Variants in SDC2 observed in about 807,000 individuals in gnomAD.
SDC2 encodes the protein syndecan 2.
Under a neutral mutation model 22.2 loss-of-function variants are expected in SDC2, and 13 were observed. The ratio of observed to expected loss-of-function variants is 0.59; its 90% CI spans 0.38 to 0.93. The LOEUF (loss-of-function observed/expected upper bound fraction) is 0.93, where lower values mean the gene tolerates loss of function less well. SDC2 is among the 40% of genes least tolerant of loss of function. SDC2 has a pLI of 0.00. For missense variants in SDC2, 235 were observed against 246.8 expected (o/e 0.95, Z 0.32); for synonymous variants, 94 against 92.8 (o/e 1.01, Z -0.07).
intron 1 of SDC2, among the ~76,000 whole-genome samples, chr8:96,559,208 A>G (rs1175793511): frequency 2.6e-5 from 4 of 152,188 alleles, no homozygotes; most frequent in African/African-American, 2.4e-5. Context: ...ACATGAGACA[A>G]GAGTGTCAAG....
intron 1 of SDC2, among the ~76,000 whole-genome samples, chr8:96,495,684 T>C (rs1813063294): frequency 6.6e-6 from 1 of 152,200 alleles, no homozygotes; most frequent in South Asian, 2.1e-4. Flanking sequence ...CCCCCCTTTT[T>C]TGTGCTGAGG....
intron 1 of SDC2, among the ~76,000 whole-genome samples, chr8:96,540,474 G>T (rs1586289155): frequency 7.3e-6 from 1 of 136,734 alleles, no homozygotes. Flanking sequence ...CCGAGCTACT[G>T]CACTCCAACC....
chr8:96,505,634 A>G, intron 1 of SDC2, among the ~76,000 whole-genome samples: 1 of 152,310 alleles, frequency 6.6e-6, no homozygotes, highest in Non-Finnish European at 1.5e-5. Context: ...TTTTATATAA[A>G]TTTACTAATG....
chr8:96,527,431 C>G (rs1169866362), intron 1 of SDC2, among the ~76,000 whole-genome samples: 1 of 151,746 alleles, frequency 6.6e-6, no homozygotes, highest in Non-Finnish European at 1.5e-5. Context: ...TTGCACAGTT[C>G]TCTCTCTCTC....
Position 96,566,774 on chromosome 8 carries a change from C to T in SDC2, c.61-26706C>T, listed in dbSNP as rs367684719. Among the ~76,000 whole-genome samples, 7 of 151,398 alleles carry T rather than the reference C, an allele frequency of 4.6e-5. No individual in the cohort carries two copies. The East Asian group carries it at 9.7e-4, about 21-fold the overall frequency. ...GAGAAGCATGTGCCCTGTTTTCATG[C>T]TTTAGTTTTATTGTAAGCATCTATA... is the stretch of plus-strand genomic sequence containing the variant. On this transcript the variant is annotated intron_variant, in intron 1 of 4. Transcript: ENST00000302190.
intron 1 of SDC2, among the ~76,000 whole-genome samples, chr8:96,515,108 C>T (rs1038035369): frequency 6.6e-6 from 1 of 152,224 alleles, no homozygotes; most frequent in African/African-American, 2.4e-5. Context: ...GCAAATCACT[C>T]AACCTCTTTT....
chr8:96,560,581 T>C (rs1001974692), intron 1 of SDC2, among the ~76,000 whole-genome samples: 8 of 152,214 alleles, frequency 5.3e-5, no homozygotes, highest in African/African-American at 1.9e-4. Context: ...GGTTTTATTA[T>C]GTATGTGATT....
In SDC2 at chr8:96,515,428, A is replaced by C. The variant is rs1251508324; in HGVS notation, c.60+21097A>C. 3.3e-5 allele frequency among the ~76,000 whole-genome samples: 5 copies of C among 152,308 alleles called. No homozygotes were observed. In the South Asian group the frequency reaches 1.0e-3, roughly 32 times the overall value. Reference sequence around the variant, plus strand: ...TGTAGCTCGGATTTCTTCCTCACAGATAAGAGGATGGAGGTTGCTCTTGAT... The same window carrying C: ...TGTAGCTCGGATTTCTTCCTCACAGCTAAGAGGATGGAGGTTGCTCTTGAT... On this transcript the variant is annotated intron_variant, in intron 1 of 4. Transcript: ENST00000302190.
At chr8:96,542,804 A>G (rs965267892) in intron 1 of SDC2, among the ~76,000 whole-genome samples, 4 of 152,230 alleles carry the variant, frequency 2.6e-5, no homozygotes, top group Non-Finnish European at 5.9e-5. Flanking sequence ...TCTGTCCAGC[A>G]TGATAGTTCT....
intron 1 of SDC2, chr8:96,580,339 G>A: frequency 6.1e-6 from 6 of 976,480 alleles, no homozygotes; most frequent in Non-Finnish European, 7.3e-6. Flanking sequence ...GGAAGGGAGA[G>A]TCAGAGGATG....
intron 1 of SDC2, among the ~76,000 whole-genome samples, chr8:96,584,753 G>C (rs1053842678): frequency 1.3e-5 from 2 of 152,194 alleles, no homozygotes; most frequent in Non-Finnish European, 2.9e-5. Flanking sequence ...TAATAACATG[G>C]CTGCAAACCT....
At chr8:96,499,032 C>T (rs1353813962) in intron 1 of SDC2, among the ~76,000 whole-genome samples, 2 of 152,176 alleles carry the variant, frequency 1.3e-5, no homozygotes, top group Non-Finnish European at 2.9e-5. Context: ...CTGTATGCCT[C>T]TGCTGGATTT....
intron 1 of SDC2, among the ~76,000 whole-genome samples, chr8:96,534,082 G>A (rs975001703): frequency 2.6e-5 from 4 of 152,212 alleles, no homozygotes; most frequent in South Asian, 4.1e-4. Context: ...CGGGGCCGGC[G>A]GTGCCCACTG....
chr8:96,598,691 T>C (rs1814924363), intron 2 of SDC2, among the ~76,000 whole-genome samples: 1 of 151,284 alleles, frequency 6.6e-6, no homozygotes, highest in African/African-American at 2.4e-5. Flanking sequence ...GGTGCCCTGG[T>C]GGAGAGATCA....
chr8:96,495,572 T>C (rs544126271), intron 1 of SDC2, among the ~76,000 whole-genome samples: 1 of 152,194 alleles, frequency 6.6e-6, no homozygotes, highest in South Asian at 2.1e-4. Flanking sequence ...CCCTTTGCCA[T>C]TTAATAACGT....
At chr8:96,576,948 C>T (rs1449710870) in intron 1 of SDC2, among the ~76,000 whole-genome samples, 1 of 152,164 alleles carries the variant, frequency 6.6e-6, no homozygotes, top group Non-Finnish European at 1.5e-5. Context: ...ACTTTTAATC[C>T]TCTGCAGTTT....
At chr8:96,538,329 A>G (rs962864169) in intron 1 of SDC2, among the ~76,000 whole-genome samples, 6 of 152,210 alleles carry the variant, frequency 3.9e-5, no homozygotes, top group African/African-American at 1.2e-4. Context: ...AACAAAGTCA[A>G]TATGAAAATG....
At chr8:96,585,916 G>A (rs567338519) in intron 1 of SDC2, among the ~76,000 whole-genome samples, 4 of 149,092 alleles carry the variant, frequency 2.7e-5, no homozygotes, top group Non-Finnish European at 5.9e-5. Context: ...TGATTATTGC[G>A]CTGAGCATTT....
chr8:96,601,701 A>G (rs887323643), intron 2 of SDC2, among the ~76,000 whole-genome samples: 1 of 151,680 alleles, frequency 6.6e-6, no homozygotes, highest in African/African-American at 2.4e-5. Flanking sequence ...AGGAACTCAC[A>G]TGAAATAAGG....
Sources: gnomAD v4.1 joint callset for allele counts (sites outside exome capture counted in the v4.1 genomes callset) on GRCh38, gnomAD v4.1.1 for gene constraint, MANE v1.5 for transcripts, NCBI Gene and HGNC (gene_info 2026-07-23, HGNC 2026-07-21) for gene names.